ADAMTSL2: variants seen among roughly 807,000 people sequenced by gnomAD.
ADAMTSL2 encodes the protein ADAMTS-like protein 2.
Under a neutral mutation model 117.0 loss-of-function variants are expected in ADAMTSL2, and 55 were observed. The observed-to-expected ratio is 0.47, with a 90% CI of 0.38 to 0.59. The LOEUF (loss-of-function observed/expected upper bound fraction) is 0.59, where lower values mean the gene tolerates loss of function less well. Ranked by LOEUF, ADAMTSL2 falls within the 20% of genes least tolerant of loss-of-function variation. The pLI, the probability that ADAMTSL2 is intolerant of heterozygous loss-of-function variation, is 0.00. For synonymous variants in ADAMTSL2, 572 were observed against 566.4 expected, an observed-to-expected ratio of 1.01 and a Z score of -0.14; for missense variants, 1,182 against 1,354.5, an observed-to-expected ratio of 0.87 and a Z score of 2.00.
intron 11 of ADAMTSL2, among the ~76,000 whole-genome samples, chr9:133,560,205 G>A (rs1830693900): frequency 6.6e-6 from 1 of 152,208 alleles, no homozygotes; most frequent in African/African-American, 2.4e-5. Context: ...AGTGAAGTAT[G>A]GCGGCTTGGG....
chr9:133,536,236 G>A (rs930267218), intron 1 of ADAMTSL2, among the ~76,000 whole-genome samples: 88 of 152,366 alleles, frequency 5.8e-4, no homozygotes, highest in African/African-American at 1.9e-3. Context: ...GCCAGCAAGA[G>A]CTGAGCCAGT....
intron 11 of ADAMTSL2, among the ~76,000 whole-genome samples, chr9:133,556,160 AT>A (rs1381547877): frequency 1.4e-4 from 22 of 152,340 alleles, no homozygotes; most frequent in African/African-American, 5.3e-4. Context: ...AGTTATGTCC[AT>A]GGATTAGGAT....
chr9:133,538,479 GT>G, intron 4 of ADAMTSL2, 55 bp downstream of exon 4: 1 of 1,594,698 alleles, frequency 6.3e-7, no homozygotes, highest in East Asian at 2.2e-5. Flanking sequence ...TCATCATGCA[GT>G]TTTCAGGGGG....
upstream of ADAMTSL2, among the ~76,000 whole-genome samples, chr9:133,534,025 G>C (rs1157638748): frequency 6.6e-6 from 1 of 152,206 alleles, no homozygotes; most frequent in East Asian, 1.9e-4. Flanking sequence ...AGGAACAGAG[G>C]CTTGAGCTCC....
At chr9:133,546,369 C>T (rs1564498229) in intron 8 of ADAMTSL2, among the ~76,000 whole-genome samples, 1 of 150,790 alleles carries the variant, frequency 6.6e-6, no homozygotes, top group African/African-American at 2.4e-5. Flanking sequence ...TGCACCAGGC[C>T]ACCCTGGCCT....
At chr9:133,547,280 AG>A (rs1289460357) in intron 9 of ADAMTSL2, 67 bp downstream of exon 9, 5 of 1,524,148 alleles carry the variant, frequency 3.3e-6, no homozygotes, top group African/African-American at 1.4e-5. Context: ...ATCCAGCCAC[AG>A]GTGAGGTCTT....
intron 7 of ADAMTSL2, among the ~76,000 whole-genome samples, chr9:133,542,668 G>A (rs549451165): frequency 1.3e-5 from 2 of 152,320 alleles, no homozygotes; most frequent in African/African-American, 2.4e-5. Context: ...GTCAAAGAGA[G>A]GCTAAATAAC....
chr9:133,538,608 C>G (rs1209626220), intron 4 of ADAMTSL2, among the ~76,000 whole-genome samples, 184 bp downstream of exon 4: 1 of 152,220 alleles, frequency 6.6e-6, no homozygotes, highest in Non-Finnish European at 1.5e-5. Flanking sequence ...GAGCCATCCA[C>G]TGTCCAGACC....
At chr9:133,567,626 C>T (rs942352741) in intron 13 of ADAMTSL2, among the ~76,000 whole-genome samples, 1 of 152,218 alleles carries the variant, frequency 6.6e-6, no homozygotes, top group Admixed American at 6.5e-5. Flanking sequence ...TCCCCGCACA[C>T]GGCCACACTG....
rs1831052447 is a variant in ADAMTSL2 at position 133,569,392 on chromosome 9, G to T, written c.2245-16G>T. Reference sequence around the variant, plus strand: ...GCCTCTCACTGGATGTCCCCTGCCTGTCCTCTCCCCTGCAGTGCAGTGGAA... The same window carrying T: ...GCCTCTCACTGGATGTCCCCTGCCTTTCCTCTCCCCTGCAGTGCAGTGGAA... On this transcript the variant is annotated splice_polypyrimidine_tract_variant and intron_variant, in intron 15 of 18. Coordinates refer to ENST00000651351, the MANE Select transcript of ADAMTSL2 (RefSeq NM_014694.4). 2 of 1,612,406 alleles carry T rather than the reference G, an allele frequency of 1.2e-6. No individual in the cohort carries two copies. Among genetic ancestry groups the T allele is most frequent in the East Asian group, 4.5e-5 (2 of 44,874 alleles).
rs1176014747 is a variant in ADAMTSL2, at chr9:133,554,164, C to T, written c.940-193C>T. On this transcript the variant is annotated intron_variant, in intron 9 of 18. Transcript: ENST00000651351. This position sits in a 1 kb window ranked among gnomAD's most constrained non-coding sequence, Gnocchi z 5.2. The stretch of plus-strand genomic sequence containing the variant: ...CACATCCCCAGCCCCCGCCCTGTTC[C>T]CAGGCTCTTTGACTTGGATGCCCCT... Among the ~76,000 whole-genome samples, 2 of 152,232 alleles carry T rather than the reference C, an allele frequency of 1.3e-5. No homozygotes were observed. The highest frequency in any genetic ancestry group is 4.8e-5 in the African/African-American group (2 of 41,458).
chr9:133,535,376 T>TG (rs143592056), intron 1 of ADAMTSL2, among the ~76,000 whole-genome samples: 1 of 40,570 alleles, frequency 2.5e-5, no homozygotes, highest in Non-Finnish European at 4.7e-5. Flanking sequence ...GGGAGGGAGG[T>TG]GGGGGGCAGG....
At chr9:133,548,205 G>A (rs994010809) in intron 9 of ADAMTSL2, among the ~76,000 whole-genome samples, 6 of 152,246 alleles carry the variant, frequency 3.9e-5, no homozygotes, top group South Asian at 4.1e-4. Flanking sequence ...TGAGTGGCAC[G>A]ACTGGGCTTT....
At chr9:133,545,717 C>T (rs1057304645) in intron 8 of ADAMTSL2, among the ~76,000 whole-genome samples, 5 of 152,260 alleles carry the variant, frequency 3.3e-5, no homozygotes, top group African/African-American at 9.6e-5. Flanking sequence ...TTGAAACAGA[C>T]GCGTAGAAAT....
At chr9:133,549,902 A>T (rs1400863461) in intron 9 of ADAMTSL2, among the ~76,000 whole-genome samples, 1 of 152,228 alleles carries the variant, frequency 6.6e-6, no homozygotes, top group Non-Finnish European at 1.5e-5. Context: ...GGGAACACAC[A>T]GTCCCCAAGT....
chr9:133,575,063 T>C lies in ADAMTSL2; in HGVS notation c.*199T>C. 2 of 595,192 alleles carry C rather than the reference T, an allele frequency of 3.4e-6. No homozygotes were observed. Among genetic ancestry groups the C allele is most frequent in the South Asian group, 3.9e-5 (2 of 51,118 alleles). The allele number at this position is 595,192 out of a possible 1,614,324, so 36.9% of individuals were successfully genotyped here. A position where few individuals can be genotyped will look rare whatever the true frequency, so the allele number is the denominator to read the frequency against. On this transcript the variant is annotated 3_prime_UTR_variant, in exon 19 of 19. Transcript: ENST00000651351. Reference sequence around the variant, plus strand: ...CTGGGGCAGAGCCTCCGGCACCCAGTGGCCTCCCCCAGACAGAGCCACCCC... The same window carrying C: ...CTGGGGCAGAGCCTCCGGCACCCAGCGGCCTCCCCCAGACAGAGCCACCCC...
intron 4 of ADAMTSL2, 31 bp downstream of exon 4, chr9:133,538,455 G>T: frequency 6.2e-7 from 1 of 1,610,360 alleles, no homozygotes; most frequent in Non-Finnish European, 8.5e-7. Context: ...GGGCACCATG[G>T]CCTGCTCTCC....
chr9:133,565,639 G>A (rs1485934433), intron 12 of ADAMTSL2, among the ~76,000 whole-genome samples: 5 of 152,178 alleles, frequency 3.3e-5, no homozygotes, highest in East Asian at 3.9e-4. Context: ...TCCCCTTGTC[G>A]GCTGCTTCCC....
chr9:133,542,583 C>T (rs144478656), intron 7 of ADAMTSL2, among the ~76,000 whole-genome samples: 130 of 152,326 alleles, frequency 8.5e-4, no homozygotes, highest in African/African-American at 2.9e-3. Flanking sequence ...TCCATATTCA[C>T]AAGGTAACTC....
Sources: gnomAD v4.1 joint callset for allele counts (sites outside exome capture counted in the v4.1 genomes callset) on GRCh38, gnomAD v4.1.1 for gene constraint, Gnocchi (gnomAD v3.1) non-coding constraint, MANE v1.5 for transcripts, NCBI Gene and HGNC (gene_info 2026-07-23, HGNC 2026-07-21) for gene names.